Variants in CTIF observed in about 807,000 individuals in gnomAD.
CTIF encodes cap binding complex dependent translation initiation factor, also known as CBP80/20-dependent translation initiation factor.
Under a neutral mutation model 66.0 loss-of-function variants are expected in CTIF, and 21 were observed. The observed-to-expected ratio is 0.32, with a 90% CI of 0.23 to 0.46. The LOEUF is 0.46. CTIF is among the 20% of genes least tolerant of loss of function. CTIF has a pLI of 1.00. For missense variants in CTIF, 739 were observed against 812.7 expected, an observed-to-expected ratio of 0.91 and a Z score of 1.10; for synonymous variants, 345 against 326.4, an observed-to-expected ratio of 1.06 and a Z score of -0.62.
intron 1 of CTIF, among the ~76,000 whole-genome samples, chr18:48,590,713 C>T (rs2089869736): frequency 6.6e-6 from 1 of 152,224 alleles, no homozygotes; most frequent in Non-Finnish European, 1.5e-5. Context: ...CCCTCGGGAG[C>T]ACGCAAATTG....
chr18:48,836,291 G>T (rs1317836039), intron 10 of CTIF, among the ~76,000 whole-genome samples: 1 of 152,124 alleles, frequency 6.6e-6, no homozygotes, highest in Non-Finnish European at 1.5e-5. Context: ...ACAGCCAGCA[G>T]CCCCCAGAGA....
intron 1 of CTIF, among the ~76,000 whole-genome samples, chr18:48,575,302 T>C (rs1000511932): frequency 2.6e-5 from 4 of 152,206 alleles, no homozygotes; most frequent in South Asian, 2.1e-4. Flanking sequence ...CGACAGCTGT[T>C]CTATGGCAAC....
At chr18:48,547,106 G>A (rs935191797) in intron 1 of CTIF, among the ~76,000 whole-genome samples, 1 of 152,174 alleles carries the variant, frequency 6.6e-6, no homozygotes, top group Non-Finnish European at 1.5e-5. Context: ...TGAGGGAGGA[G>A]AGAGAAGAGA....
intron 1 of CTIF, among the ~76,000 whole-genome samples, chr18:48,592,036 G>A (rs1362451144): frequency 6.6e-6 from 1 of 152,194 alleles, no homozygotes; most frequent in Non-Finnish European, 1.5e-5. Flanking sequence ...ACAGGTGTGA[G>A]CCACTATGCC....
chr18:48,545,463 G>A (rs759830952), intron 1 of CTIF, among the ~76,000 whole-genome samples: 10 of 152,138 alleles, frequency 6.6e-5, no homozygotes, highest in Non-Finnish European at 1.5e-4. Context: ...TGGACCAAAG[G>A]TCATACATTA....
intron 9 of CTIF, among the ~76,000 whole-genome samples, chr18:48,816,383 C>T (rs867516512): frequency 1.3e-5 from 2 of 152,136 alleles, no homozygotes; most frequent in Admixed American, 6.5e-5. Flanking sequence ...GCTCTCAGAG[C>T]GCTGAGGTTT....
intron 2 of CTIF, among the ~76,000 whole-genome samples, chr18:48,628,134 G>A (rs1005198448): frequency 2.6e-5 from 4 of 152,210 alleles, no homozygotes; most frequent in Non-Finnish European, 5.9e-5. Flanking sequence ...GAGCAAATAG[G>A]ATAGACTTTG....
chr18:48,832,362 G>A (rs545208105), intron 10 of CTIF, among the ~76,000 whole-genome samples: 36 of 152,084 alleles, frequency 2.4e-4, no homozygotes, highest in Middle Eastern at 3.4e-3. Flanking sequence ...TAGTAGAGAC[G>A]GGGTTTGCCA....
intron 6 of CTIF, among the ~76,000 whole-genome samples, chr18:48,697,567 A>T (rs981766232): frequency 6.6e-6 from 1 of 152,122 alleles, no homozygotes; most frequent in Non-Finnish European, 1.5e-5. Context: ...GTGCACAGGG[A>T]AAGGGAGGCC....
At chr18:48,858,718 A>G (rs1599178852) in intron 11 of CTIF, among the ~76,000 whole-genome samples, 1 of 152,058 alleles carries the variant, frequency 6.6e-6, no homozygotes, top group African/African-American at 2.4e-5. Flanking sequence ...AAGATTATCT[A>G]GGGCTCTCCT....
chr18:48,758,469 T>C (rs4556859), intron 8 of CTIF, 64 bp downstream of exon 8: 830,708 of 1,531,924 alleles, frequency 0.54, 227,739 homozygotes, highest in East Asian at 0.8. Context: ...GTAGGCACTT[T>C]GGTAGGTGGG....
Position 48,679,676 on chromosome 18 carries a change from C to T in CTIF, c.507+8932C>T, listed in dbSNP as rs558366979. ...CAAATCTTCCCCCTCTTTCATGGCC[C>T]TGTTCCAATTTCACCTCCTGCATGA... is the stretch of plus-strand genomic sequence containing the variant. On this transcript the variant is annotated intron_variant, in intron 6 of 11. Transcript: ENST00000256413. Among the ~76,000 whole-genome samples the T allele has an allele frequency of 6.6e-5, 10 of 152,332 alleles. No individual in the cohort carries two copies. In the South Asian group the frequency reaches 2.1e-3, roughly 32 times the overall value.
intron 7 of CTIF, among the ~76,000 whole-genome samples, chr18:48,751,752 G>A (rs1271023846): frequency 6.6e-6 from 1 of 152,184 alleles, no homozygotes; most frequent in Admixed American, 6.5e-5. Context: ...GAAGGACTCT[G>A]TAGGGACAGC....
At chr18:48,622,508 T>G (rs2090515462) in intron 2 of CTIF, among the ~76,000 whole-genome samples, 1 of 151,948 alleles carries the variant, frequency 6.6e-6, no homozygotes, top group Non-Finnish European at 1.5e-5. Context: ...AGAAAAGTCC[T>G]TGAGGAATGT....
chr18:48,798,895 G>T (rs934041334), intron 9 of CTIF, among the ~76,000 whole-genome samples: 5 of 152,200 alleles, frequency 3.3e-5, no homozygotes, highest in Non-Finnish European at 5.9e-5. Context: ...GATGCCTACG[G>T]TGCACAGGAC....
chr18:48,641,595 A>T (rs2090933449), intron 3 of CTIF, among the ~76,000 whole-genome samples: 1 of 152,246 alleles, frequency 6.6e-6, no homozygotes, highest in African/African-American at 2.4e-5. Flanking sequence ...TAGCAAACAG[A>T]AGCATAAAGA....
intron 2 of CTIF, 145 bp from the exon 3 acceptor site, chr18:48,636,469 T>C: frequency 1.9e-6 from 1 of 515,506 alleles, no homozygotes; most frequent in Middle Eastern, 2.9e-4. Flanking sequence ...GGTCTGATGG[T>C]TGAGAAAGAT....
At chr18:48,819,428 A>T (rs550657146) in intron 10 of CTIF, among the ~76,000 whole-genome samples, 1 of 152,158 alleles carries the variant, frequency 6.6e-6, no homozygotes, top group South Asian at 2.1e-4. Context: ...TTGCCCCAAC[A>T]CGTTCCCTCT....
At chr18:48,809,340 G>T (rs1026100634) in intron 9 of CTIF, among the ~76,000 whole-genome samples, 1 of 152,006 alleles carries the variant, frequency 6.6e-6, no homozygotes, top group Admixed American at 6.5e-5. Flanking sequence ...CATTCTAAGG[G>T]TCATAGGTGT....
Sources: gnomAD v4.1 joint callset for allele counts (sites outside exome capture counted in the v4.1 genomes callset) on GRCh38, gnomAD v4.1.1 for gene constraint, MANE v1.5 for transcripts, NCBI Gene and HGNC (gene_info 2026-07-23, HGNC 2026-07-21) for gene names.